Variants in RBM47 observed in about 807,000 individuals in gnomAD.
RBM47 encodes RNA binding motif protein 47.
A neutral mutation model predicts 47.1 loss-of-function variants in RBM47; 21 were observed. The ratio of observed to expected loss-of-function variants is 0.45; its 90% CI spans 0.32 to 0.64. RBM47 has a LOEUF of 0.64. RBM47 is among the 30% of genes least tolerant of loss of function. The probability of loss-of-function intolerance (pLI) is 0.05; values close to 1 mark genes in which losing one functional copy is unlikely to be tolerated. For synonymous variants in RBM47, 375 were observed against 361.7 expected (o/e 1.04, Z -0.42); for missense variants, 708 against 870.9 (o/e 0.81, Z 2.35).
At position 40,513,609 on chromosome 4, in the gene RBM47, T is replaced by C. The variant is rs532028578; in HGVS notation, c.-155+30813A>G. Among the ~76,000 whole-genome samples the C allele has an allele frequency of 5.9e-5, 9 of 152,342 alleles. No individual in the cohort carries two copies. In the South Asian group the frequency reaches 1.7e-3, roughly 28 times the overall value. ...AGACTTAGTATTCCCAAGAAGTATT[T>C]ATTCATTAGTTTCTCCTAAACCATG... On this transcript the variant is annotated intron_variant, in intron 2 of 6. Coordinates refer to ENST00000295971, the MANE Select transcript of RBM47 (RefSeq NM_001098634.2).
intron 1 of RBM47, among the ~76,000 whole-genome samples, chr4:40,597,628 T>C (rs1187109812): frequency 6.6e-6 from 1 of 152,230 alleles, no homozygotes; most frequent in East Asian, 1.9e-4. Context: ...AGGTATTAAA[T>C]ATGTATTCAT....
intron 1 of RBM47, among the ~76,000 whole-genome samples, chr4:40,561,842 G>A (rs1268563621): frequency 2.0e-5 from 3 of 152,066 alleles, no homozygotes; most frequent in Non-Finnish European, 2.9e-5. Flanking sequence ...GAGCCACCTC[G>A]CCTGGCCTCC....
chr4:40,448,989 C>T (rs1714987233), intron 3 of RBM47, among the ~76,000 whole-genome samples: 1 of 152,188 alleles, frequency 6.6e-6, no homozygotes, highest in Admixed American at 6.5e-5. Context: ...TTTGGCCTTA[C>T]CCTGAGCATT....
In RBM47 at chr4:40,496,329, A is replaced by C. The variant is rs28555682; in HGVS notation, c.-154-29630T>G. Among the ~76,000 whole-genome samples, 989 of 129,392 alleles carry C rather than the reference A, an allele frequency of 7.6e-3. 11 individuals carry two copies. The highest frequency in any genetic ancestry group is 0.03 in the African/African-American group (955 of 32,058). The allele number at this position is 129,392 out of a possible 152,430, so 84.9% of individuals were successfully genotyped here. On this transcript the variant is annotated intron_variant, in intron 2 of 6. Transcript: ENST00000295971. ...TTCTGTATCTTGGCTGGAGAACTTA[A>C]ACACACACACACACACACACACACA...
At chr4:40,500,940 C>G (rs1367820871) in intron 2 of RBM47, among the ~76,000 whole-genome samples, 1 of 152,026 alleles carries the variant, frequency 6.6e-6, no homozygotes, top group Non-Finnish European at 1.5e-5. Flanking sequence ...TCAGGTTTCA[C>G]TTGTTTCTGA....
intron 1 of RBM47, among the ~76,000 whole-genome samples, chr4:40,605,097 A>G (rs1365793638): frequency 6.6e-6 from 1 of 151,892 alleles, no homozygotes; most frequent in Non-Finnish European, 1.5e-5. Flanking sequence ...ATCTTGGCTC[A>G]CTGCAACCTC....
chr4:40,556,521 T>C lies in RBM47; in HGVS notation c.-239-12015A>G, dbSNP rs1302742572. On this transcript the variant is annotated intron_variant, in intron 1 of 6. Transcript: ENST00000295971. ...GACTCTGTCTCAAAAATAAAGTAAT[T>C]GCAGTTTTTGCTATTACTTTTAATG... 3.9e-5 allele frequency among the ~76,000 whole-genome samples: 6 copies of C among 152,064 alleles called. No individual in the cohort carries two copies. In the South Asian group the frequency reaches 1.2e-3, roughly 32 times the overall value.
At chr4:40,527,674 C>T (rs73147523) in intron 2 of RBM47, among the ~76,000 whole-genome samples, 2,176 of 149,838 alleles carry the variant, frequency 0.015, 49 homozygotes, top group East Asian at 0.096. Flanking sequence ...TGGTAACGCC[C>T]GCCTCAGCCT....
In RBM47 at chr4:40,438,494, AGTT is replaced by A. The variant is rs749098806; in HGVS notation, c.397_399del (p.Asn133del). On this transcript the variant is annotated inframe_deletion, in exon 4 of 7. Coordinates refer to ENST00000295971, the MANE Select transcript of RBM47 (RefSeq NM_001098634.2). ...AGCAGGCGGCCCGGGCGGATCTCGT[AGTT>A]GTTGAGCTCACGCACTGCGCGCTTG... is the stretch of plus-strand genomic sequence containing the variant. 6.2e-7 allele frequency: 1 copy of A among 1,613,490 alleles called. No individual in the cohort carries two copies.
chr4:40,518,203 C>T (rs1403045134), intron 2 of RBM47, among the ~76,000 whole-genome samples: 2 of 113,192 alleles, frequency 1.8e-5, no homozygotes, highest in Non-Finnish European at 3.4e-5. Flanking sequence ...AAGTCTCACT[C>T]TGTCACCCAT....
chr4:40,494,117 G>A (rs1020483627), intron 2 of RBM47, among the ~76,000 whole-genome samples: 26 of 152,120 alleles, frequency 1.7e-4, no homozygotes, highest in African/African-American at 6.0e-4. Context: ...ATGTGATACC[G>A]GGTAACAGAG....
intron 2 of RBM47, among the ~76,000 whole-genome samples, chr4:40,507,177 G>C (rs938298648): frequency 6.6e-6 from 1 of 151,690 alleles, no homozygotes; most frequent in African/African-American, 2.4e-5. Context: ...GGCTGGTCTC[G>C]AACTCCTAAC....
At chr4:40,486,849 T>A (rs947042359) in intron 2 of RBM47, among the ~76,000 whole-genome samples, 1 of 152,200 alleles carries the variant, frequency 6.6e-6, no homozygotes, top group Non-Finnish European at 1.5e-5. Flanking sequence ...TCATTCTATG[T>A]CTCTGGGTAA....
chr4:40,478,092 C>T (rs1199543691), intron 2 of RBM47, among the ~76,000 whole-genome samples: 6 of 149,002 alleles, frequency 4.0e-5, no homozygotes, highest in African/African-American at 1.2e-4. Flanking sequence ...CTTGGCTCAC[C>T]GCAACCTCCG....
intron 2 of RBM47, among the ~76,000 whole-genome samples, chr4:40,477,597 A>G (rs920254761): frequency 1.3e-5 from 2 of 152,192 alleles, no homozygotes; most frequent in South Asian, 4.1e-4. Context: ...TCTGAGATTG[A>G]GGTTTGGTGT....
chr4:40,532,032 A>G lies in RBM47; in HGVS notation c.-155+12390T>C, dbSNP rs181462264. ...TTTTATCTTTTTTTTTTTTTTTGAG[A>G]TGGAGTCTTGCTCTGTCACCCAGGC... On this transcript the variant is annotated intron_variant, in intron 2 of 6. Transcript: ENST00000295971. Among the ~76,000 whole-genome samples the G allele has an allele frequency of 5.5e-3, 778 of 141,518 alleles. 5 individuals are homozygous for G. Among genetic ancestry groups the G allele is most frequent in the African/African-American group, 0.02 (754 of 37,966 alleles). The allele number at this position is 141,518 out of a possible 152,430, so 92.8% of individuals were successfully genotyped here.
intron 2 of RBM47, among the ~76,000 whole-genome samples, chr4:40,481,462 ATTATTATTATTATTATTATTATTATTT>A (rs1264882021): frequency 8.0e-6 from 1 of 125,076 alleles, no homozygotes; most frequent in Non-Finnish European, 1.7e-5. Flanking sequence ...TATTATTATT[ATTATTATTATTATTATTATTATTATTT>A]TTATTTTTAT....
rs528519144 is a variant in RBM47, at chr4:40,481,905, G to C, written c.-154-15206C>G. ...TCGCCATGTTGGCCACGCTGGTCTC[G>C]AACTCCTGACCTCAGGCGATCCACC... On this transcript the variant is annotated intron_variant, in intron 2 of 6. Coordinates refer to ENST00000295971, the MANE Select transcript of RBM47 (RefSeq NM_001098634.2). Among the ~76,000 whole-genome samples the C allele has an allele frequency of 3.9e-5, 6 of 152,130 alleles. No individual in the cohort carries two copies. In the South Asian group the frequency reaches 1.2e-3, roughly 32 times the overall value.
chr4:40,526,263 CAA>C (rs1726695418), intron 2 of RBM47, among the ~76,000 whole-genome samples: 1 of 152,166 alleles, frequency 6.6e-6, no homozygotes, highest in Non-Finnish European at 1.5e-5. Flanking sequence ...TATTTCAATA[CAA>C]AGCTGATCAA....
Sources: allele counts gnomAD v4.1 joint callset (sites outside exome capture counted in the v4.1 genomes callset), GRCh38; gene constraint gnomAD v4.1.1; transcripts MANE v1.5; gene names NCBI Gene and HGNC (gene_info 2026-07-23, HGNC 2026-07-21).